Variants in INSR observed in about 807,000 individuals in gnomAD.
INSR encodes IR.
In INSR, 67 loss-of-function variants were observed where a neutral mutation model predicts 142.6. That is an observed-to-expected ratio of 0.47 (90% CI 0.39 to 0.58). The LOEUF (loss-of-function observed/expected upper bound fraction) is 0.58, where lower values mean the gene tolerates loss of function less well. INSR is among the 20% of genes least tolerant of loss of function. INSR has a pLI of 0.00. For missense variants in INSR, 1,248 were observed against 1,833.2 expected (o/e 0.68, Z 5.83); for synonymous variants, 756 against 743.1 (o/e 1.02, Z -0.28).
intron 1 of INSR, among the ~76,000 whole-genome samples, chr19:7,287,382 A>T (rs1968372662): frequency 6.6e-6 from 1 of 151,874 alleles, no homozygotes; most frequent in Admixed American, 6.6e-5. Flanking sequence ...GCTGGTCTCG[A>T]ACTCCTGACC....
chr19:7,130,846 T>C (rs1972760174), intron 14 of INSR, among the ~76,000 whole-genome samples: 1 of 151,440 alleles, frequency 6.6e-6, no homozygotes. Context: ...TTTTCTTTCT[T>C]TTTCTTTTTC....
chr19:7,242,755 C>A (rs28406461), intron 2 of INSR, among the ~76,000 whole-genome samples: 13,791 of 85,468 alleles, frequency 0.16, 2,338 homozygotes, highest in African/African-American at 0.45. Flanking sequence ...AAAAAAAAAA[C>A]AGCTACAACT....
intron 1 of INSR, among the ~76,000 whole-genome samples, chr19:7,270,593 T>A (rs555837072): frequency 7.3e-5 from 11 of 151,274 alleles, no homozygotes; most frequent in South Asian, 2.1e-4. Context: ...CTCTAAAAAA[T>A]AATAATAATA....
At chr19:7,230,987 G>A (rs1327379627) in intron 2 of INSR, among the ~76,000 whole-genome samples, 1 of 152,200 alleles carries the variant, frequency 6.6e-6, no homozygotes, top group Non-Finnish European at 1.5e-5. Context: ...CGTGTCTACA[G>A]CGGAGCTGCG....
At position 7,192,302 on chromosome 19, in the gene INSR, G is replaced by GAAAAGAAAAGAA. The variant is rs1389765743; in HGVS notation, c.653-7666_653-7665insTTCTTTTCTTTT. Among the ~76,000 whole-genome samples the GAAAAGAAAAGAA allele has an allele frequency of 2.0e-4, 22 of 107,972 alleles. No individual in the cohort carries two copies. Among genetic ancestry groups the GAAAAGAAAAGAA allele is most frequent in the African/African-American group, 7.9e-4 (22 of 27,996 alleles). The allele number at this position is 107,972 out of a possible 152,430, so 70.8% of individuals were successfully genotyped here. ...GAAAAGAAAAGAAAAGAAAAGAAAA[G>GAAAAGAAAAGAA]AAAAGAAAAAAATCACAGGCAGCCC... On this transcript the variant is annotated intron_variant, in intron 2 of 21. Coordinates refer to ENST00000302850, the MANE Select transcript of INSR (RefSeq NM_000208.4). The surrounding 1 kb of genome is among the most constrained non-coding windows in gnomAD (Gnocchi z 4.2).
In INSR at chr19:7,168,105, TA is replaced by T; in HGVS notation, c.1484-12del. The T allele has an allele frequency of 6.2e-7, 1 of 1,613,660 alleles. No homozygotes were observed. Among genetic ancestry groups the T allele is most frequent in the South Asian group, 1.1e-5 (1 of 91,040 alleles). ...GTAACTCATTTTCACCTGGAAAAGT[TA>T]AAACAAAAGGCAAAAATGAGCTATT... is the stretch of plus-strand genomic sequence containing the variant. On this transcript the variant is annotated splice_polypyrimidine_tract_variant and intron_variant, in intron 6 of 21. Transcript: ENST00000302850. This position sits in a 1 kb window ranked among gnomAD's most constrained non-coding sequence, Gnocchi z 4.3.
intron 10 of INSR, 64 bp downstream of exon 10, chr19:7,152,662 A>G (rs755678559): frequency 1.5e-6 from 2 of 1,355,246 alleles, no homozygotes; most frequent in Admixed American, 3.4e-5. Context: ...TCCCTAAGTA[A>G]TGACCTTCCA....
At chr19:7,184,746 G>A (rs1974383044) in intron 2 of INSR, 109 bp from the exon 3 acceptor site, 2 of 891,628 alleles carry the variant, frequency 2.2e-6, no homozygotes, top group Admixed American at 7.1e-5. Context: ...CAGCAATTCT[G>A]GATCAGACAG....
chr19:7,291,967 T>C (rs186863753), intron 1 of INSR, among the ~76,000 whole-genome samples: 93 of 151,232 alleles, frequency 6.1e-4, no homozygotes, highest in African/African-American at 2.2e-3. Flanking sequence ...TAATTTTTTC[T>C]ATTTTTCAGT....
intron 2 of INSR, among the ~76,000 whole-genome samples, chr19:7,242,586 A>G (rs553810485): frequency 8.6e-5 from 13 of 151,800 alleles, no homozygotes; most frequent in African/African-American, 2.9e-4. Context: ...AAAAACACAA[A>G]AATTAGCCAG....
Position 7,168,139 on chromosome 19 carries a change from A to G in INSR, c.1484-45T>C. The G allele has an allele frequency of 6.2e-7, 1 of 1,606,536 alleles. No homozygotes were observed. The highest frequency in any genetic ancestry group is 8.5e-7 in the Non-Finnish European group (1 of 1,174,430). On this transcript the variant is annotated intron_variant, in intron 6 of 21. Coordinates refer to ENST00000302850, the MANE Select transcript of INSR (RefSeq NM_000208.4). This position sits in a 1 kb window ranked among gnomAD's most constrained non-coding sequence, Gnocchi z 4.3. Reference sequence around the variant, plus strand: ...AGGCAAAAATGAGCTATTTCAGTGTAGTTTCAGACCAAAGCCTGGGACCCC... The same window carrying G: ...AGGCAAAAATGAGCTATTTCAGTGTGGTTTCAGACCAAAGCCTGGGACCCC...
rs368489315 is a variant in INSR at position 7,128,930 on chromosome 19, T to A, written c.2867A>T (p.Lys956Ile). The A allele has an allele frequency of 5.6e-6, 9 of 1,613,404 alleles. No individual in the cohort carries two copies. Among genetic ancestry groups the A allele is most frequent in the Non-Finnish European group, 7.6e-6 (9 of 1,179,434 alleles). Reference sequence around the variant, plus strand: ...AAAGATGAGGGGGCCGATGATAATTTTTGCAATATTTGACGGGACGTCTAC... The same window carrying A: ...AAAGATGAGGGGGCCGATGATAATTATTGCAATATTTGACGGGACGTCTAC... ...DYLDVPSNIA[K>I]IIIGPLIFVF... The change falls in exon 15 of 22, where the codon AAA (lysine) becomes ATA (isoleucine). Residue 956 changes from lysine (K) to isoleucine (I), a missense_variant. Physicochemically the swap from Lys to Ile is moderately radical, Grantham distance 102. Around this residue, in one of 3 missense-constraint regions of INSR, gnomAD observed 1,069 missense variants for 1,654.0 expected, o/e 0.65. Transcript: ENST00000302850.
At chr19:7,190,078 G>A (rs1417842259) in intron 2 of INSR, among the ~76,000 whole-genome samples, 1 of 151,986 alleles carries the variant, frequency 6.6e-6, no homozygotes, top group African/African-American at 2.4e-5. Flanking sequence ...TGGGCATGGA[G>A]GCTCATGCCT....
chr19:7,128,744 A>G, intron 15 of INSR, 108 bp downstream of exon 15: 1 of 759,180 alleles, frequency 1.3e-6, no homozygotes, highest in Non-Finnish European at 2.4e-6. Flanking sequence ...CACATCCTAT[A>G]TCAGCAAAAT....
intron 9 of INSR, among the ~76,000 whole-genome samples, chr19:7,158,065 ATTATT>A (rs1973645892): frequency 7.1e-6 from 1 of 140,114 alleles, no homozygotes; most frequent in Admixed American, 7.1e-5. Flanking sequence ...TATTATTATT[ATTATT>A]ATTATTATTA....
intron 2 of INSR, among the ~76,000 whole-genome samples, chr19:7,266,962 CAAG>C (rs1157206624): frequency 2.0e-5 from 3 of 152,080 alleles, no homozygotes; most frequent in Non-Finnish European, 2.9e-5. Context: ...CTCTCCCAAG[CAAG>C]AAGAACATTC....
intron 9 of INSR, among the ~76,000 whole-genome samples, chr19:7,157,990 C>A (rs956972612): frequency 6.6e-6 from 1 of 151,022 alleles, no homozygotes; most frequent in Admixed American, 6.6e-5. Flanking sequence ...GAGCTAGTTA[C>A]AGCATTACAG....
At chr19:7,232,596 G>T (rs535602270) in intron 2 of INSR, among the ~76,000 whole-genome samples, 1 of 152,264 alleles carries the variant, frequency 6.6e-6, no homozygotes, top group South Asian at 2.1e-4. Flanking sequence ...GGATCACGAG[G>T]TCAGGAGATC....
In INSR at chr19:7,293,866, GC is replaced by G; in HGVS notation, c.25del (p.Ala9ArgfsTer56). 3.2e-6 allele frequency: 4 copies of G among 1,240,430 alleles called. No individual in the cohort carries two copies. Among genetic ancestry groups the G allele is most frequent in the South Asian group, 6.8e-5 (2 of 29,306 alleles). 76.8% of individuals were successfully genotyped at this position (1,240,430 alleles called of 1,614,324 possible). On this transcript the variant is annotated frameshift_variant, in exon 1 of 22. Coordinates refer to ENST00000302850, the MANE Select transcript of INSR (RefSeq NM_000208.4). LOFTEE classifies it high-confidence loss of function. ...CGCCACCAGCAGCGGCGCGGCCGCC[GC>G]CCCCCGCCGGCCCCCGGTGGCCATG... MATGGRRG[A>X]AAAPLLVAVA...
Sources: gnomAD v4.1 joint callset for allele counts (sites outside exome capture counted in the v4.1 genomes callset) on GRCh38, gnomAD v4.1.1 for gene constraint, gnomAD v4.1.1 regional missense constraint, Gnocchi (gnomAD v3.1) non-coding constraint, MANE v1.5 for transcripts, NCBI Gene and HGNC (gene_info 2026-07-23, HGNC 2026-07-21) for gene names.